PRR7: variants seen among roughly 807,000 people sequenced by gnomAD.
The protein encoded by PRR7 is proline rich 7, synaptic, also known as proline-rich protein 7.
PRR7 carries 8 observed loss-of-function variants against 18.5 expected under a neutral mutation model. The observed-to-expected ratio is 0.43, with a 90% CI of 0.25 to 0.78. The LOEUF is 0.78. Ranked by LOEUF, PRR7 falls within the 30% of genes least tolerant of loss-of-function variation. PRR7 has a pLI of 0.22. For synonymous variants in PRR7, 221 were observed against 187.7 expected, an observed-to-expected ratio of 1.18 and a Z score of -1.45; for missense variants, 396 against 403.1, an observed-to-expected ratio of 0.98 and a Z score of 0.15.
At chr5:177,452,175 A>T (rs1182981694) in intron 1 of PRR7, among the ~76,000 whole-genome samples, 1 of 152,200 alleles carries the variant, frequency 6.6e-6, no homozygotes, top group Non-Finnish European at 1.5e-5. Flanking sequence ...AACGTGAGTA[A>T]TCAAATGGCA....
At chr5:177,453,645 T>A (rs991755355) in intron 1 of PRR7, among the ~76,000 whole-genome samples, 3 of 151,760 alleles carry the variant, frequency 2.0e-5, no homozygotes, top group African/African-American at 7.3e-5. Flanking sequence ...GAGGGTAGGG[T>A]CCGTGGGGCT....
In PRR7 at chr5:177,454,534, ATC is replaced by A. The variant is rs879690115; in HGVS notation, c.-239-290_-239-289del. Among the ~76,000 whole-genome samples, 1 of 152,102 alleles carries A rather than the reference ATC, an allele frequency of 6.6e-6. No homozygotes were observed. The highest frequency in any genetic ancestry group is 1.5e-5 in the Non-Finnish European group (1 of 67,994). On this transcript the variant is annotated intron_variant, in intron 2 of 3. Coordinates refer to ENST00000323249, the MANE Select transcript of PRR7 (RefSeq NM_030567.5). This position sits in a 1 kb window ranked among gnomAD's most constrained non-coding sequence, Gnocchi z 4.7. Reference sequence around the variant, plus strand: ...TTGGCCCCGGGACTGCGGATGGCGAATCTCTCGTTCGGACTCAGAGCTGGAGT... The same window carrying A: ...TTGGCCCCGGGACTGCGGATGGCGAATCTCGTTCGGACTCAGAGCTGGAGT...
At chr5:177,448,872 G>A (rs1756043954) in intron 1 of PRR7, among the ~76,000 whole-genome samples, 1 of 152,234 alleles carries the variant, frequency 6.6e-6, no homozygotes, top group African/African-American at 2.4e-5. Flanking sequence ...TCTTGGCTGT[G>A]GGAGAGAAAA....
chr5:177,452,680 T>G (rs1756218007), intron 1 of PRR7, among the ~76,000 whole-genome samples: 1 of 152,174 alleles, frequency 6.6e-6, no homozygotes, highest in South Asian at 2.1e-4. Flanking sequence ...CCTTCCTCTC[T>G]TTGGCCCAAA....
chr5:177,455,391 G>T lies in PRR7; in HGVS notation c.324G>T (p.Gln108His). The T allele has an allele frequency of 1.3e-6, 2 of 1,493,450 alleles. No homozygotes were observed. The highest frequency in any genetic ancestry group is 8.9e-7 in the Non-Finnish European group (1 of 1,127,522). 92.5% of individuals were successfully genotyped at this position (1,493,450 alleles called of 1,614,324 possible). Residue 108 changes from glutamine (Q) to histidine (H), a missense_variant, in exon 3 of 4, where the codon CAG (glutamine) becomes CAT (histidine). Physicochemically the swap from Gln to His is conservative, Grantham distance 24 (BLOSUM62 0). This residue lies in a region of PRR7 where 383 missense variants were observed against 372.6 expected (regional missense o/e 1.03). Coordinates refer to ENST00000323249, the MANE Select transcript of PRR7 (RefSeq NM_030567.5). The surrounding 1 kb of genome is among the most constrained non-coding windows in gnomAD (Gnocchi z 6.9). ...VHPLLHHGPA[Q>H]PHAHAHPHPH... ...CGCTGCTGCACCACGGGCCCGCGCA[G>T]CCGCACGCGCACGCGCACCCACACC...
rs757909291 is a variant in PRR7, at chr5:177,455,927, A to T, written c.631A>T (p.Thr211Ser). Reference protein sequence around the residue: ...YKPLFLDRGYTSALHLPSAPR... With the variant: ...YKPLFLDRGYSSALHLPSAPR... ...GCCGCTCTTCCTGGACCGGGGCTAC[A>T]CCTCGGCGCTGCACCTGCCCAGCGC... Residue 211 changes from threonine (T) to serine (S), a missense_variant, in exon 4 of 4, where the codon ACC becomes TCC. Transcript: ENST00000323249. The surrounding 1 kb of genome is among the most constrained non-coding windows in gnomAD (Gnocchi z 6.9). 2.5e-6 allele frequency: 4 copies of T among 1,605,018 alleles called. No homozygotes were observed. The Admixed American group carries it at 6.7e-5, about 27-fold the overall frequency.
In PRR7 at chr5:177,450,296, C is replaced by T. The variant is rs907040665; in HGVS notation, c.-325+3336C>T. ...GGTGTGACCCAGTGCCCCTGCTGCC[C>T]GGGATTTTCCATCCCCACCCCCCAG... On this transcript the variant is annotated intron_variant, in intron 1 of 3. Coordinates refer to ENST00000323249, the MANE Select transcript of PRR7 (RefSeq NM_030567.5). This position sits in a 1 kb window ranked among gnomAD's most constrained non-coding sequence, Gnocchi z 6.6. Among the ~76,000 whole-genome samples, 3 of 152,228 alleles carry T rather than the reference C, an allele frequency of 2.0e-5. No homozygotes were observed. The highest frequency in any genetic ancestry group is 1.9e-4 in the East Asian group (1 of 5,182).
Position 177,456,213 on chromosome 5 carries a change from GGGGA to G in PRR7, c.*101_*104del. ...TTCCCTGGACTGCGGGGAGGGGCGG[GGGGA>G]GGGAGGGATTTCTTATCCCGTTTGT... On this transcript the variant is annotated 3_prime_UTR_variant, in exon 4 of 4. Coordinates refer to ENST00000323249, the MANE Select transcript of PRR7 (RefSeq NM_030567.5). The G allele has an allele frequency of 3.6e-6, 2 of 552,738 alleles. No homozygotes were observed. The highest frequency in any genetic ancestry group is 6.0e-6 in the Non-Finnish European group (2 of 332,554). 34.2% of individuals were successfully genotyped at this position (552,738 alleles called of 1,614,324 possible). A position where few individuals can be genotyped will look rare whatever the true frequency, so the allele number is the denominator to read the frequency against.
In PRR7 at chr5:177,456,256, T is replaced by A; in HGVS notation, c.*135T>A. 24 of 752,068 alleles carry A rather than the reference T, an allele frequency of 3.2e-5. No homozygotes were observed. Among genetic ancestry groups the A allele is most frequent in the Non-Finnish European group, 4.0e-5 (20 of 501,858 alleles). The allele number at this position is 752,068 out of a possible 1,614,324, so 46.6% of individuals were successfully genotyped here. ...TATCCCGTTTGTTACATTTTGAGGA[T>A]AATAAAGGTGTGTGATCTGGTTTGG... On this transcript the variant is annotated 3_prime_UTR_variant, in exon 4 of 4. Transcript: ENST00000323249.
chr5:177,455,341 TCGCATCCGCACGTGCACGTGCACC>T lies in PRR7; in HGVS notation c.278_301del (p.His93_Pro100del). On this transcript the variant is annotated inframe_deletion, in exon 3 of 4. Transcript: ENST00000323249. This position sits in a 1 kb window ranked among gnomAD's most constrained non-coding sequence, Gnocchi z 6.9. Reference sequence around the variant, plus strand: ...CCTGGAGGCGCCGGCTCACGCGCACTCGCATCCGCACGTGCACGTGCACCCGCTGCTGCACCACGGGCCCGCGCA... The same window carrying T: ...CCTGGAGGCGCCGGCTCACGCGCACTCGCTGCTGCACCACGGGCCCGCGCA... 6.7e-7 allele frequency: 1 copy of T among 1,488,880 alleles called. No homozygotes were observed. Among genetic ancestry groups the T allele is most frequent in the Non-Finnish European group, 8.9e-7 (1 of 1,128,332 alleles). The allele number at this position is 1,488,880 out of a possible 1,614,324, so 92.2% of individuals were successfully genotyped here.
chr5:177,453,290 C>T (rs1055429530), intron 1 of PRR7, among the ~76,000 whole-genome samples: 2 of 152,206 alleles, frequency 1.3e-5, no homozygotes, highest in African/African-American at 2.4e-5. Flanking sequence ...CCAGTTTCCT[C>T]AGAGCATTCC....
rs555979689 is a variant in PRR7, at chr5:177,450,720, C to T, written c.-324-3236C>T. Among the ~76,000 whole-genome samples, 9 of 152,294 alleles carry T rather than the reference C, an allele frequency of 5.9e-5. No individual in the cohort carries two copies. The South Asian group carries it at 1.2e-3, about 21-fold the overall frequency. On this transcript the variant is annotated intron_variant, in intron 1 of 3. Transcript: ENST00000323249. This position sits in a 1 kb window ranked among gnomAD's most constrained non-coding sequence, Gnocchi z 6.6. ...CCAGAGGCCTTGGCAGGAGCTCATT[C>T]GGGAGGCCAGCACCTAGGTCAGTGG...
upstream of PRR7, chr5:177,446,077 G>C (rs1561665932): frequency 6.7e-6 from 1 of 150,240 alleles, no homozygotes; most frequent in Non-Finnish European, 1.5e-5. This position sits in a 1 kb window ranked among gnomAD's most constrained non-coding sequence, Gnocchi z 5.3. Flanking sequence ...TATGGTGGTG[G>C]AGGGGTTTTT....
chr5:177,455,738 T>C lies in PRR7; in HGVS notation c.442T>C (p.Ser148Pro), dbSNP rs770491389. The C allele has an allele frequency of 2.9e-5, 47 of 1,602,412 alleles. No individual in the cohort carries two copies. Among genetic ancestry groups the C allele is most frequent in the Admixed American group, 1.0e-4 (6 of 59,492 alleles). The change falls in exon 4 of 4, where the codon TCC (serine) becomes CCC (proline). Residue 148 changes from serine (S) to proline (P), a missense_variant. Transcript: ENST00000323249. This position sits in a 1 kb window ranked among gnomAD's most constrained non-coding sequence, Gnocchi z 6.9. ...CCACTCCGCAGCGGAATCGGACATG[T>C]CCAAACCACCGTGTTACGAAGAGGC... ...SYPRQAESDMSKPPCYEEAVL... is the reference protein window; with the variant it reads ...SYPRQAESDMPKPPCYEEAVL...
chr5:177,447,629 G>A (rs1021223577), intron 1 of PRR7: 3 of 145,812 alleles, frequency 2.1e-5, no homozygotes, highest in Admixed American at 7.1e-5. Flanking sequence ...GTTCCCCAGG[G>A]GCGACGTTTC....
intron 1 of PRR7, among the ~76,000 whole-genome samples, chr5:177,448,708 A>G (rs1756034874): frequency 6.6e-6 from 1 of 152,206 alleles, no homozygotes; most frequent in Non-Finnish European, 1.5e-5. Flanking sequence ...GATGCATTAT[A>G]GGATGGGGCC....
rs1052691267 is a variant in PRR7 at position 177,449,671 on chromosome 5, G to A, written c.-325+2711G>A. 2.6e-5 allele frequency among the ~76,000 whole-genome samples: 4 copies of A among 152,136 alleles called. No individual in the cohort carries two copies. Among genetic ancestry groups the A allele is most frequent in the African/African-American group, 7.2e-5 (3 of 41,422 alleles). ...TGAAAACCCTGCCCTGAGGAGGGCC[G>A]GAGCTGAGCGCAGTAGACACTGGCC... On this transcript the variant is annotated intron_variant, in intron 1 of 3. Transcript: ENST00000323249. The surrounding 1 kb of genome is among the most constrained non-coding windows in gnomAD (Gnocchi z 4.2).
chr5:177,456,021 G>A lies in PRR7; in HGVS notation c.725G>A (p.Ser242Asn). 2 of 1,580,190 alleles carry A rather than the reference G, an allele frequency of 1.3e-6. No individual in the cohort carries two copies. The highest frequency in any genetic ancestry group is 8.6e-7 in the Non-Finnish European group (1 of 1,168,520). ...GACCGTGGCCGCCGGGTCTTCCCCA[G>A]CTGGACCGACTCAGAGCTCAGCAGC... ...QADRGRRVFP[S>N]WTDSELSSRE... The change falls in exon 4 of 4, where the codon AGC becomes AAC. Residue 242 changes from serine to asparagine, a missense_variant. Around this residue, in one of 2 missense-constraint regions of PRR7, gnomAD observed 383 missense variants for 372.6 expected, o/e 1.03. Coordinates refer to ENST00000323249, the MANE Select transcript of PRR7 (RefSeq NM_030567.5).
rs1434328266 is a variant in PRR7, at chr5:177,454,049, G to GA, written c.-240+12dup. The GA allele has an allele frequency of 3.3e-5, 5 of 152,324 alleles. No homozygotes were observed. Among genetic ancestry groups the GA allele is most frequent in the Admixed American group, 2.6e-4 (4 of 15,284 alleles). 9.4% of individuals were successfully genotyped at this position (152,324 alleles called of 1,614,324 possible). A position where few individuals can be genotyped will look rare whatever the true frequency, so the allele number is the denominator to read the frequency against. On this transcript the variant is annotated intron_variant, in intron 2 of 3. Coordinates refer to ENST00000323249, the MANE Select transcript of PRR7 (RefSeq NM_030567.5). This position sits in a 1 kb window ranked among gnomAD's most constrained non-coding sequence, Gnocchi z 4.7. ...AGTGAGTGCAGGACCAGGTGGGTAC[G>GA]AAAGACTAGCTTCCAACCCTCATCT...
Sources: allele counts gnomAD v4.1 joint callset (sites outside exome capture counted in the v4.1 genomes callset), GRCh38; gene constraint gnomAD v4.1.1; regional missense constraint gnomAD v4.1.1; non-coding constraint Gnocchi (gnomAD v3.1); transcripts MANE v1.5; gene names NCBI Gene and HGNC (gene_info 2026-07-23, HGNC 2026-07-21).